The following PPFIA2 variants were observed in gnomAD, a reference collection of about 807,000 sequenced individuals.
PPFIA2 encodes liprin-alpha-2.
PPFIA2 carries 46 observed loss-of-function variants against 175.5 expected under a neutral mutation model. The observed-to-expected ratio is 0.26, with a 90% confidence interval of 0.21 to 0.34. The LOEUF (loss-of-function observed/expected upper bound fraction) is 0.34. Among genes scored for constraint, PPFIA2 ranks in the 10% least tolerant of loss-of-function variants. The pLI is 1.00. For missense variants in PPFIA2, 1,179 were observed against 1,506.1 expected (o/e 0.78, Z 3.60); for synonymous variants, 568 against 511.4 (o/e 1.11, Z -1.49).
At chr12:81,621,829 A>G (rs2062073862) in intron 4 of PPFIA2, among the ~76,000 whole-genome samples, 1 of 152,190 alleles carries the variant, frequency 6.6e-6, no homozygotes, top group African/African-American at 2.4e-5. Flanking sequence ...TCCTTTAGAC[A>G]TATACATGGA....
At chr12:81,645,807 A>G (rs2065977585) in intron 4 of PPFIA2, among the ~76,000 whole-genome samples, 1 of 152,212 alleles carries the variant, frequency 6.6e-6, no homozygotes, top group Admixed American at 6.5e-5. Context: ...AGAAGTCAGA[A>G]TTCCTGAGGG....
intron 7 of PPFIA2, among the ~76,000 whole-genome samples, chr12:81,415,194 A>T (rs2044756388): frequency 6.0e-5 from 3 of 50,324 alleles, no homozygotes; most frequent in African/African-American, 2.3e-4. Context: ...AAAAAAAAAA[A>T]AAAAAAAAAA....
At chr12:81,375,673 T>C in intron 10 of PPFIA2, 123 bp downstream of exon 10, 1 of 1,030,722 alleles carries the variant, frequency 9.7e-7, no homozygotes. Context: ...TGCTAGAGAA[T>C]TTCAAATTTT....
chr12:81,685,604 G>C (rs556523925), intron 3 of PPFIA2, among the ~76,000 whole-genome samples: 21 of 152,102 alleles, frequency 1.4e-4, no homozygotes, highest in Non-Finnish European at 2.4e-4. Context: ...AGGTTTCATA[G>C]TATTCAGAGT....
At chr12:81,464,489 A>G (rs2055217436) in intron 4 of PPFIA2, among the ~76,000 whole-genome samples, 1 of 152,146 alleles carries the variant, frequency 6.6e-6, no homozygotes, top group South Asian at 2.1e-4. Context: ...CTGACTTCTA[A>G]GCTAAGGATG....
At chr12:81,602,505 A>G (rs1176592150) in intron 4 of PPFIA2, among the ~76,000 whole-genome samples, 3 of 151,870 alleles carry the variant, frequency 2.0e-5, no homozygotes, top group Non-Finnish European at 2.9e-5. Context: ...TTTCTTCTGC[A>G]TATATACTAG....
At position 81,268,042 on chromosome 12, in the gene PPFIA2, G is replaced by C. The variant is rs1185400795; in HGVS notation, c.3356C>G (p.Ala1119Gly). 6.3e-7 allele frequency: 1 copy of C among 1,596,664 alleles called. No individual in the cohort carries two copies. The change falls in exon 29 of 33, where the codon GCA (alanine) becomes GGA (glycine). Residue 1119 changes from alanine to glycine, a missense_variant. Transcript: ENST00000549396. ...ATTTGCATATTCTCGAAGTCCAATT[G>C]CTTGTATCCAGCGAATAACTCGGTC... ...SNDRVIRWIQ[A>G]IGLREYANNI...
At chr12:81,508,072 T>C (rs553040485) in intron 4 of PPFIA2, among the ~76,000 whole-genome samples, 5 of 152,174 alleles carry the variant, frequency 3.3e-5, no homozygotes, top group Non-Finnish European at 7.4e-5. Context: ...AGTAGTCACA[T>C]TGTATTAAAC....
chr12:81,444,892 T>C (rs2050928419), intron 6 of PPFIA2, among the ~76,000 whole-genome samples: 1 of 152,112 alleles, frequency 6.6e-6, no homozygotes, highest in African/African-American at 2.4e-5. Flanking sequence ...GTCATAAGCC[T>C]TCCTAATCTC....
At chr12:81,546,637 A>G (rs748260764) in intron 4 of PPFIA2, among the ~76,000 whole-genome samples, 14 of 152,324 alleles carry the variant, frequency 9.2e-5, no homozygotes, top group South Asian at 4.1e-4. Context: ...GGTATAAGTA[A>G]AAGCATCTAA....
chr12:81,462,585 C>CATATATATATATATATATATACACATAT (rs368848726), intron 4 of PPFIA2, among the ~76,000 whole-genome samples: 4 of 124,678 alleles, frequency 3.2e-5, no homozygotes, highest in Non-Finnish European at 6.8e-5. Flanking sequence ...TATATATATA[C>CATATATATATATATATATATACACATAT]ATATATATAT....
intron 4 of PPFIA2, chr12:81,512,206 C>A (rs574984208): frequency 6.2e-6 from 4 of 643,766 alleles, no homozygotes; most frequent in Non-Finnish European, 9.7e-6. Context: ...TCTTATCATC[C>A]CTTACTTAAA....
intron 4 of PPFIA2, among the ~76,000 whole-genome samples, chr12:81,510,648 C>A (rs2061670776): frequency 6.6e-6 from 1 of 152,058 alleles, no homozygotes; most frequent in Non-Finnish European, 1.5e-5. Flanking sequence ...GGAATTTAAA[C>A]AGATGATAAC....
rs1159770360 is a variant in PPFIA2, at chr12:81,414,182, TA to T, written c.646-8280del. On this transcript the variant is annotated intron_variant, in intron 7 of 32. Transcript: ENST00000549396. ...TGATTCCTTCAAAACATTTTAAAAA[TA>T]TTATGCTGTAATGCCTTTTGGTAAT... Among the ~76,000 whole-genome samples, 7 of 151,764 alleles carry T rather than the reference TA, an allele frequency of 4.6e-5. No individual in the cohort carries two copies. The East Asian group carries it at 1.3e-3, about 29-fold the overall frequency.
chr12:81,334,377 C>T (rs1009311188), intron 21 of PPFIA2, among the ~76,000 whole-genome samples: 1 of 151,920 alleles, frequency 6.6e-6, no homozygotes, highest in African/African-American at 2.4e-5. Context: ...AGTCATTTTC[C>T]TAAAGTCCAT....
rs112974118 is a variant in PPFIA2 at position 81,404,954 on chromosome 12, C to T, written c.762+833G>A. Among the ~76,000 whole-genome samples, 6 of 152,292 alleles carry T rather than the reference C, an allele frequency of 3.9e-5. 1 individual carries two copies. The highest frequency in any genetic ancestry group is 1.4e-4 in the African/African-American group (6 of 41,574). ...GATTCATGTGGTCTTCATTTAGGAG[C>T]TTAAGAATCCAAAGATATAACTTGT... On this transcript the variant is annotated intron_variant, in intron 8 of 32. Transcript: ENST00000549396.
intron 4 of PPFIA2, among the ~76,000 whole-genome samples, chr12:81,500,803 T>C (rs1345845102): frequency 5.3e-5 from 8 of 152,196 alleles, no homozygotes; most frequent in Admixed American, 3.9e-4. Context: ...CTCTAAACCA[T>C]AGGCTTTCCT....
chr12:81,259,406 T>C lies in PPFIA2; in HGVS notation c.*288A>G. On this transcript the variant is annotated 3_prime_UTR_variant, in exon 33 of 33. Coordinates refer to ENST00000549396, the MANE Select transcript of PPFIA2 (RefSeq NM_003625.5). ...AAAACATGAAAAACAACTGGCTTCA[T>C]TTCATAAAAGCATCTGTTGTACAGA... 1 of 652,014 alleles carries C rather than the reference T, an allele frequency of 1.5e-6. No homozygotes were observed. The highest frequency in any genetic ancestry group is 1.6e-5 in the South Asian group (1 of 62,300). 40.4% of individuals were successfully genotyped at this position (652,014 alleles called of 1,614,324 possible). A position where few individuals can be genotyped will look rare whatever the true frequency, so the allele number is the denominator to read the frequency against.
In PPFIA2 at chr12:81,405,884, T is replaced by G; in HGVS notation, c.665A>C (p.Gln222Pro). Residue 222 changes from glutamine (Q) to proline (P), a missense_variant, in exon 8 of 33, where the codon CAA becomes CCA. Coordinates refer to ENST00000549396, the MANE Select transcript of PPFIA2 (RefSeq NM_003625.5). ...CATTTTTCTTTGTATATGAACATTTTGTTCACGCAAGGCAACAATCTGCAA... is the reference window on the plus strand; with the variant it reads ...CATTTTTCTTTGTATATGAACATTTGGTTCACGCAAGGCAACAATCTGCAA... ...ANQEIVALRE[Q>P]NVHIQRKMAS... The G allele has an allele frequency of 6.4e-7, 1 of 1,568,308 alleles. No individual in the cohort carries two copies. The highest frequency in any genetic ancestry group is 8.7e-7 in the Non-Finnish European group (1 of 1,154,620).
Sources: gnomAD v4.1 joint callset for allele counts (sites outside exome capture counted in the v4.1 genomes callset) on GRCh38, gnomAD v4.1.1 for gene constraint, MANE v1.5 for transcripts, NCBI Gene and HGNC (gene_info 2026-07-23, HGNC 2026-07-21) for gene names.